The following PRKN variants were observed in gnomAD, a reference collection of about 807,000 sequenced individuals.
The protein encoded by PRKN is E3 ubiquitin-protein ligase parkin.
A neutral mutation model predicts 59.5 loss-of-function variants in PRKN; 56 were observed. That is an observed-to-expected ratio of 0.94 (90% confidence interval 0.76 to 1.18). PRKN has a LOEUF of 1.18. PRKN is among the 50% of genes most tolerant of loss of function. PRKN has a pLI of 0.00. For missense variants in PRKN, 657 were observed against 596.4 expected (o/e 1.10, Z -1.06); for synonymous variants, 250 against 222.1 (o/e 1.13, Z -1.12).
At chr6:162,317,475 T>TA (rs1782800843) in intron 2 of PRKN, among the ~76,000 whole-genome samples, 1 of 152,028 alleles carries the variant, frequency 6.6e-6, no homozygotes, top group East Asian at 2.0e-4. Context: ...AATTACCCAG[T>TA]CTTGGGTAAG....
chr6:161,970,480 T>C (rs530798531), intron 6 of PRKN, among the ~76,000 whole-genome samples: 2 of 151,438 alleles, frequency 1.3e-5, no homozygotes, highest in South Asian at 4.2e-4. Context: ...ATAATCAAGA[T>C]ATTGCAAAAA....
intron 1 of PRKN, among the ~76,000 whole-genome samples, chr6:162,707,894 T>C (rs1339839437): frequency 6.6e-6 from 1 of 152,148 alleles, no homozygotes; most frequent in Non-Finnish European, 1.5e-5. Flanking sequence ...TTTGTATTTT[T>C]AGTAGAGACA....
intron 2 of PRKN, among the ~76,000 whole-genome samples, chr6:162,371,652 G>A (rs766592521): frequency 5.3e-5 from 8 of 152,124 alleles, no homozygotes; most frequent in Non-Finnish European, 7.4e-5. Flanking sequence ...AAAACTTAGC[G>A]ATTATTATTT....
At chr6:162,447,431 C>T (rs558749281) in intron 1 of PRKN, among the ~76,000 whole-genome samples, 18 of 151,994 alleles carry the variant, frequency 1.2e-4, no homozygotes, top group East Asian at 1.9e-4. Context: ...GTTTTGATGA[C>T]GTATAATATA....
chr6:162,483,523 G>C (rs1401974544), intron 1 of PRKN, among the ~76,000 whole-genome samples: 1 of 150,730 alleles, frequency 6.6e-6, no homozygotes, highest in Non-Finnish European at 1.5e-5. Flanking sequence ...TGGCGGCAGT[G>C]GGGGCGGGGA....
chr6:162,245,283 T>C (rs1321744815), intron 3 of PRKN, among the ~76,000 whole-genome samples: 1 of 152,026 alleles, frequency 6.6e-6, no homozygotes, highest in Admixed American at 6.6e-5. Flanking sequence ...ACCTCAAATA[T>C]TATGGTTTAT....
intron 4 of PRKN, among the ~76,000 whole-genome samples, chr6:162,155,046 C>T (rs74618272): frequency 0.019 from 2,920 of 150,076 alleles, 98 homozygotes; most frequent in African/African-American, 0.067. Context: ...CAGCAAAACA[C>T]CCACAACATG....
chr6:162,397,567 T>C (rs1437028457), intron 2 of PRKN, among the ~76,000 whole-genome samples: 1 of 152,082 alleles, frequency 6.6e-6, no homozygotes, highest in Non-Finnish European at 1.5e-5. Context: ...AAAATTTGTT[T>C]ACAGGGACAA....
At chr6:161,904,454 C>T (rs1778062519) in intron 6 of PRKN, among the ~76,000 whole-genome samples, 1 of 151,362 alleles carries the variant, frequency 6.6e-6, no homozygotes, top group South Asian at 2.1e-4. Context: ...TAGCTGGGAC[C>T]ACAGGCGCCT....
At chr6:162,260,795 C>T (rs1562621695) in intron 3 of PRKN, among the ~76,000 whole-genome samples, 2 of 152,052 alleles carry the variant, frequency 1.3e-5, no homozygotes, top group Non-Finnish European at 2.9e-5. Context: ...TTGCTCTAAA[C>T]AATGTGATTT....
In PRKN at chr6:161,467,887, G is replaced by A. The variant is rs183814201; in HGVS notation, c.1083+80967C>T. 7.9e-5 allele frequency among the ~76,000 whole-genome samples: 12 copies of A among 152,174 alleles called. No homozygotes were observed. The highest frequency in any genetic ancestry group is 2.0e-4 in the Admixed American group (3 of 15,292). On this transcript the variant is annotated intron_variant, in intron 9 of 11. Transcript: ENST00000366898. The surrounding 1 kb of genome is among the most constrained non-coding windows in gnomAD (Gnocchi z 4.3). ...TGACCATGGAGGTCCCACACTGTCCGTCAGTTGCATACTTCCAGCTTTTTT... is the reference window on the plus strand; with the variant it reads ...TGACCATGGAGGTCCCACACTGTCCATCAGTTGCATACTTCCAGCTTTTTT...
intron 1 of PRKN, among the ~76,000 whole-genome samples, chr6:162,557,743 C>G (rs1221482703): frequency 6.6e-6 from 1 of 152,224 alleles, no homozygotes; most frequent in Non-Finnish European, 1.5e-5. Flanking sequence ...CTCCTGACCT[C>G]AAGTGATCCA....
rs75526346 is a variant in PRKN at position 162,450,908 on chromosome 6, G to A, written c.8-7435C>T. 2.0e-3 allele frequency among the ~76,000 whole-genome samples: 299 copies of A among 152,278 alleles called. 5 individuals carry two copies. In the South Asian group the frequency reaches 0.024, roughly 12 times the overall value. On this transcript the variant is annotated intron_variant, in intron 1 of 11. Coordinates refer to ENST00000366898, the MANE Select transcript of PRKN (RefSeq NM_004562.3). ...CAGCATTCTTTCATTAATGATAACA[G>A]ATGTAGTATAACAATGTAAGAAGTT...
intron 1 of PRKN, among the ~76,000 whole-genome samples, chr6:162,513,652 AC>A (rs531228778): frequency 3.0e-3 from 451 of 152,288 alleles, no homozygotes; most frequent in Admixed American, 5.9e-3. Flanking sequence ...GGAGAAGGTA[AC>A]TGGACATAAA....
At chr6:161,663,180 C>A (rs1426070890) in intron 7 of PRKN, among the ~76,000 whole-genome samples, 3 of 152,160 alleles carry the variant, frequency 2.0e-5, no homozygotes, top group African/African-American at 7.2e-5. Context: ...GTCCATTATG[C>A]CTCTTTTTCT....
intron 4 of PRKN, among the ~76,000 whole-genome samples, chr6:162,123,301 G>C (rs1313286898): frequency 1.3e-5 from 2 of 152,072 alleles, no homozygotes; most frequent in Non-Finnish European, 2.9e-5. Context: ...ATGAAGATTT[G>C]GGTCACATTA....
At chr6:162,239,978 C>T (rs1583250990) in intron 3 of PRKN, among the ~76,000 whole-genome samples, 1 of 152,092 alleles carries the variant, frequency 6.6e-6, no homozygotes, top group African/African-American at 2.4e-5. Context: ...TACTACTTCC[C>T]CATACTGTTC....
chr6:162,204,958 G>T (rs1169457677), intron 3 of PRKN, among the ~76,000 whole-genome samples: 2 of 151,766 alleles, frequency 1.3e-5, no homozygotes, highest in African/African-American at 4.8e-5. Context: ...CTCCTCTTGG[G>T]TTCAAGTGAT....
intron 7 of PRKN, among the ~76,000 whole-genome samples, chr6:161,741,952 T>G: frequency 7.0e-6 from 1 of 142,688 alleles, no homozygotes; most frequent in African/African-American, 3.0e-5. Flanking sequence ...ATTTATTTAT[T>G]TATTTATTTA....
Sources: gnomAD v4.1 joint callset for allele counts (sites outside exome capture counted in the v4.1 genomes callset) on GRCh38, gnomAD v4.1.1 for gene constraint, Gnocchi (gnomAD v3.1) non-coding constraint, MANE v1.5 for transcripts, NCBI Gene and HGNC (gene_info 2026-07-23, HGNC 2026-07-21) for gene names.